Variants in OPRD1 observed in about 807,000 individuals in gnomAD.
OPRD1 encodes opioid receptor delta 1.
In OPRD1, 19 loss-of-function variants were observed where a neutral mutation model predicts 17.5. The observed-to-expected ratio is 1.09, with a 90% CI of 0.76 to 1.60. The LOEUF is 1.60. OPRD1 is among the 40% of genes most tolerant of loss of function. OPRD1 has a pLI of 0.00. For synonymous variants in OPRD1, 256 were observed against 240.9 expected, an observed-to-expected ratio of 1.06 and a Z score of -0.58; for missense variants, 483 against 547.2, an observed-to-expected ratio of 0.88 and a Z score of 1.17.
intron 1 of OPRD1, among the ~76,000 whole-genome samples, chr1:28,841,196 T>C (rs2088892511): frequency 6.6e-6 from 1 of 152,236 alleles, no homozygotes; most frequent in African/African-American, 2.4e-5. Context: ...GACGTTGTTC[T>C]GATGTTTATA....
intron 1 of OPRD1, among the ~76,000 whole-genome samples, chr1:28,846,846 TTTTCTTTCTTTCTTTCTTTC>T (rs1553150754): frequency 5.2e-5 from 4 of 76,912 alleles, no homozygotes; most frequent in African/African-American, 1.1e-4. Flanking sequence ...TCTTTCTTTC[TTTTCTTTCTTTCTTTCTTTC>T]TTTCTTTCTT....
chr1:28,843,125 A>G (rs2088908628), intron 1 of OPRD1, among the ~76,000 whole-genome samples: 1 of 152,202 alleles, frequency 6.6e-6, no homozygotes, highest in Non-Finnish European at 1.5e-5. Context: ...AAGCAGGTTC[A>G]GAAAGGTGAA....
chr1:28,850,102 A>G (rs172172), intron 1 of OPRD1, among the ~76,000 whole-genome samples: 137,667 of 152,070 alleles, frequency 0.91, 62,506 homozygotes, highest in East Asian at 1. Context: ...GGATGGTCTC[A>G]ATCTTCTGAC....
chr1:28,868,125 G>T lies in OPRD1; in HGVS notation c.*4842G>T, dbSNP rs204070. 0.1 allele frequency: 15,287 copies of T among 152,304 alleles called. 874 individuals are homozygous for T. Among genetic ancestry groups the T allele is most frequent in the South Asian group, 0.14 (698 of 4,826 alleles). 9.4% of individuals were successfully genotyped at this position (152,304 alleles called of 1,614,324 possible). On this transcript the variant is annotated 3_prime_UTR_variant, in exon 3 of 3. Coordinates refer to ENST00000234961, the MANE Select transcript of OPRD1 (RefSeq NM_000911.4). Reference sequence around the variant, plus strand: ...AGAGAGGATGCGAGTAGGGAGGGCAGGAGGGTGATGGGAGCTCTCCAATTT... The same window carrying T: ...AGAGAGGATGCGAGTAGGGAGGGCATGAGGGTGATGGGAGCTCTCCAATTT...
chr1:28,825,030 T>A (rs1277062545), intron 1 of OPRD1, among the ~76,000 whole-genome samples: 2 of 151,694 alleles, frequency 1.3e-5, no homozygotes, highest in Non-Finnish European at 2.9e-5. Flanking sequence ...GAGATGGGGT[T>A]TCACCGTGTT....
At chr1:28,848,540 C>T (rs499062) in intron 1 of OPRD1, among the ~76,000 whole-genome samples, 106,165 of 152,092 alleles carry the variant, frequency 0.7, 39,293 homozygotes, top group East Asian at 1. Flanking sequence ...CCTAAGGTCA[C>T]AGATTTCAAG....
rs780359691 is a variant in OPRD1 at position 28,812,525 on chromosome 1, C to T, written c.142C>T (p.Leu48=). 1 of 1,581,960 alleles carries T rather than the reference C, an allele frequency of 6.3e-7. No homozygotes were observed. Among genetic ancestry groups the T allele is most frequent in the Non-Finnish European group, 8.5e-7 (1 of 1,171,574 alleles). Residue 48 remains leucine, a synonymous_variant, in exon 1 of 3, where the codon CTG becomes TTG. Transcript: ENST00000234961. ...PGARSASSLA[L]AIAITALYSA... ...CGCGCGGAGCGCCTCGTCCCTCGCC[C>T]TGGCAATCGCCATCACCGCGCTCTA...
At chr1:28,814,039 T>C (rs920937026) in intron 1 of OPRD1, among the ~76,000 whole-genome samples, 4 of 152,172 alleles carry the variant, frequency 2.6e-5, no homozygotes, top group Admixed American at 2.6e-4. Context: ...GGGAGATCTT[T>C]GCTCCTCCAG....
rs773832882 is a variant in OPRD1 at position 28,862,790 on chromosome 1, G to A, written c.626G>A (p.Trp209Ter). The change falls in exon 3 of 3, where the codon TGG (tryptophan) becomes TAG (stop). Residue 209 changes from tryptophan to a stop codon, truncating the protein, a stop_gained. Coordinates refer to ENST00000234961, the MANE Select transcript of OPRD1 (RefSeq NM_000911.4). LOFTEE classifies it high-confidence loss of function. The part of the protein sequence containing the change: ...MLQFPSPSWY[W>*]DTVTKICVFL... ...CAGTTCCCCAGCCCCAGCTGGTACT[G>A]GGACACGGTGACCAAGATCTGCGTG... is the stretch of plus-strand genomic sequence containing the variant. 5.0e-6 allele frequency: 8 copies of A among 1,613,402 alleles called. No individual in the cohort carries two copies. Among genetic ancestry groups the A allele is most frequent in the Non-Finnish European group, 5.9e-6 (7 of 1,179,798 alleles).
intron 1 of OPRD1, among the ~76,000 whole-genome samples, chr1:28,842,840 G>A (rs2088905883): frequency 3.9e-5 from 6 of 152,000 alleles, no homozygotes. Flanking sequence ...GGCTGAAGTG[G>A]AGATCACTTG....
In OPRD1 at chr1:28,812,311, C is replaced by A; in HGVS notation, c.-73C>A. On this transcript the variant is annotated 5_prime_UTR_variant, in exon 1 of 3. Coordinates refer to ENST00000234961, the MANE Select transcript of OPRD1 (RefSeq NM_000911.4). ...GTCGGGGCCGCGGCCTCTGCCTTGC[C>A]GCTCCCCTCGCGTCGGATCCCCGCG... The A allele has an allele frequency of 9.1e-7, 1 of 1,096,894 alleles. No individual in the cohort carries two copies. The highest frequency in any genetic ancestry group is 1.2e-6 in the Non-Finnish European group (1 of 866,634). The allele number at this position is 1,096,894 out of a possible 1,614,324, so 67.9% of individuals were successfully genotyped here.
intron 1 of OPRD1, 93 bp from the exon 2 acceptor site, chr1:28,858,861 C>T (rs1345350122): frequency 1.6e-6 from 2 of 1,260,408 alleles, no homozygotes; most frequent in Non-Finnish European, 2.3e-6. Context: ...TGACCTTTTG[C>T]ATGTCCTTAG....
At chr1:28,828,639 T>C (rs1451380216) in intron 1 of OPRD1, among the ~76,000 whole-genome samples, 4 of 146,070 alleles carry the variant, frequency 2.7e-5, no homozygotes, top group South Asian at 4.4e-4. Context: ...TGAGCTATGA[T>C]CGTGCCACTG....
At chr1:28,836,423 A>C (rs1030261289) in intron 1 of OPRD1, among the ~76,000 whole-genome samples, 3 of 151,822 alleles carry the variant, frequency 2.0e-5, no homozygotes, top group African/African-American at 7.3e-5. Flanking sequence ...CTGAGGCAGA[A>C]GAGTAGCTTG....
chr1:28,861,502 C>T (rs1050482164), intron 2 of OPRD1, among the ~76,000 whole-genome samples: 4 of 151,276 alleles, frequency 2.6e-5, no homozygotes, highest in East Asian at 2.0e-4. Context: ...TGGAGTGCAG[C>T]GGCACTATCC....
intron 1 of OPRD1, among the ~76,000 whole-genome samples, chr1:28,817,955 A>G (rs945711986): frequency 6.6e-6 from 1 of 152,012 alleles, no homozygotes; most frequent in South Asian, 2.1e-4. Flanking sequence ...CCTGACCTCA[A>G]GTGATCCGCC....
At chr1:28,825,236 G>A (rs890636912) in intron 1 of OPRD1, among the ~76,000 whole-genome samples, 26 of 152,174 alleles carry the variant, frequency 1.7e-4, no homozygotes, top group Non-Finnish European at 3.2e-4. Context: ...GAAAGGTTCT[G>A]TGTCTTTTGA....
At chr1:28,823,375 T>TTTTG in intron 1 of OPRD1, among the ~76,000 whole-genome samples, 1 of 100,326 alleles carries the variant, frequency 1.0e-5, no homozygotes, top group African/African-American at 4.2e-5. Flanking sequence ...CTTTTTTAAA[T>TTTTG]TTTATTTGTT....
At chr1:28,849,704 A>T (rs1335319929) in intron 1 of OPRD1, among the ~76,000 whole-genome samples, 1 of 152,266 alleles carries the variant, frequency 6.6e-6, no homozygotes, top group African/African-American at 2.4e-5. Context: ...TGTTTGAAGC[A>T]AGTAAAAGAT....
Sources: gnomAD v4.1 joint callset for allele counts (sites outside exome capture counted in the v4.1 genomes callset) on GRCh38, gnomAD v4.1.1 for gene constraint, MANE v1.5 for transcripts, NCBI Gene and HGNC (gene_info 2026-07-23, HGNC 2026-07-21) for gene names.